Variants in ROBO1 observed in about 807,000 individuals in gnomAD.
ROBO1 encodes roundabout homolog 1.
In ROBO1, 149 loss-of-function variants were observed where a neutral mutation model predicts 195.9. The observed-to-expected ratio is 0.76, with a 90% CI of 0.67 to 0.87. The LOEUF (loss-of-function observed/expected upper bound fraction) is 0.87. ROBO1 is among the 40% of genes least tolerant of loss of function. The pLI, the probability that ROBO1 is intolerant of heterozygous loss-of-function variation, is 0.00. For synonymous variants in ROBO1, 816 were observed against 733.2 expected (o/e 1.11, Z -1.82); for missense variants, 1,933 against 2,068.3 (o/e 0.93, Z 1.27).
Position 78,656,499 on chromosome 3 carries a change from C to T in ROBO1, c.2614+599G>A, listed in dbSNP as rs151259494. 9.0e-3 allele frequency among the ~76,000 whole-genome samples: 1,362 copies of T among 151,818 alleles called. 26 individuals are homozygous for T. Among genetic ancestry groups the T allele is most frequent in the African/African-American group, 0.031 (1,288 of 41,392 alleles). ...CTAAGTAGCTGGGACTACAGGCGCC[C>T]GCCACCACACCCAGCTAGTTTTTTT... On this transcript the variant is annotated intron_variant, in intron 18 of 30. Coordinates refer to ENST00000464233, the MANE Select transcript of ROBO1 (RefSeq NM_002941.4).
intron 2 of ROBO1, among the ~76,000 whole-genome samples, chr3:79,284,074 A>G (rs2031724860): frequency 6.6e-6 from 1 of 152,012 alleles, no homozygotes; most frequent in Non-Finnish European, 1.5e-5. Flanking sequence ...TGATAGGCCT[A>G]TATGTATATA....
intron 2 of ROBO1, among the ~76,000 whole-genome samples, chr3:79,222,719 A>G (rs999191465): frequency 1.3e-5 from 2 of 152,066 alleles, no homozygotes; most frequent in Non-Finnish European, 2.9e-5. Context: ...TATGTTTCTA[A>G]ATACAATATG....
chr3:78,879,540 G>C (rs962417405), intron 4 of ROBO1, among the ~76,000 whole-genome samples: 5 of 140,346 alleles, frequency 3.6e-5, no homozygotes, highest in African/African-American at 1.3e-4. Flanking sequence ...AAAAAAAAAA[G>C]AACTAAATAC....
At chr3:78,794,846 T>C (rs950210055) in intron 4 of ROBO1, among the ~76,000 whole-genome samples, 1 of 151,112 alleles carries the variant, frequency 6.6e-6, no homozygotes, top group African/African-American at 2.4e-5. Flanking sequence ...CCTCCCAAAA[T>C]GCTGGGATTA....
At chr3:79,759,533 T>G (rs1704580769) in intron 1 of ROBO1, among the ~76,000 whole-genome samples, 1 of 152,206 alleles carries the variant, frequency 6.6e-6, no homozygotes, top group Admixed American at 6.5e-5. Context: ...CAGGATTCAT[T>G]AATATACTCT....
chr3:78,917,099 G>GTTTTTTTT (rs756798186), intron 4 of ROBO1, among the ~76,000 whole-genome samples: 2 of 127,348 alleles, frequency 1.6e-5, no homozygotes, highest in Admixed American at 8.2e-5. Flanking sequence ...TTTGTTTTTC[G>GTTTTTTTT]TTTTTTTTTT....
At chr3:78,754,953 G>A (rs1372918232) in intron 4 of ROBO1, among the ~76,000 whole-genome samples, 1 of 152,146 alleles carries the variant, frequency 6.6e-6, no homozygotes, top group Non-Finnish European at 1.5e-5. Context: ...GAAAAGCCTT[G>A]GATGCCGTGT....
intron 2 of ROBO1, among the ~76,000 whole-genome samples, chr3:79,299,675 T>C (rs538441903): frequency 3.3e-5 from 5 of 152,264 alleles, no homozygotes; most frequent in African/African-American, 1.2e-4. Context: ...AGATAATTTA[T>C]GAGAAAACAA....
intron 25 of ROBO1, 139 bp downstream of exon 25, chr3:78,631,022 C>T: frequency 1.0e-5 from 9 of 868,014 alleles, no homozygotes; most frequent in East Asian, 5.6e-5. Flanking sequence ...TCCTGCTGAC[C>T]AGCACTATTT....
chr3:79,594,716 G>A (rs1333946113), intron 1 of ROBO1, among the ~76,000 whole-genome samples: 1 of 151,964 alleles, frequency 6.6e-6, no homozygotes, highest in Non-Finnish European at 1.5e-5. Flanking sequence ...CCACATCATT[G>A]GGTGAGATGT....
At chr3:79,378,695 A>T (rs930838291) in intron 2 of ROBO1, among the ~76,000 whole-genome samples, 2 of 152,212 alleles carry the variant, frequency 1.3e-5, no homozygotes, top group Non-Finnish European at 2.9e-5. Flanking sequence ...AATTGCATAC[A>T]TTAAGCTTTA....
At chr3:79,388,485 G>A (rs1465173989) in intron 2 of ROBO1, among the ~76,000 whole-genome samples, 1 of 151,200 alleles carries the variant, frequency 6.6e-6, no homozygotes, top group Non-Finnish European at 1.5e-5. Flanking sequence ...ATAATTCTGT[G>A]GTATAATAGA....
chr3:79,713,473 C>T (rs1702355769), intron 1 of ROBO1, among the ~76,000 whole-genome samples: 3 of 152,080 alleles, frequency 2.0e-5, no homozygotes, highest in Admixed American at 2.0e-4. Flanking sequence ...TGACTCTAAC[C>T]TTCCTGGGTT....
At chr3:78,772,663 C>A (rs1386730078) in intron 4 of ROBO1, among the ~76,000 whole-genome samples, 1 of 151,910 alleles carries the variant, frequency 6.6e-6, no homozygotes, top group Admixed American at 6.6e-5. Flanking sequence ...ACAGTAGACC[C>A]TATTTTCATA....
At chr3:78,875,868 T>G (rs2035812842) in intron 4 of ROBO1, among the ~76,000 whole-genome samples, 1 of 152,116 alleles carries the variant, frequency 6.6e-6, no homozygotes, top group South Asian at 2.1e-4. Flanking sequence ...GTCCTTCACA[T>G]GTATAATCTG....
At chr3:79,036,796 T>A (rs1462908661) in intron 3 of ROBO1, among the ~76,000 whole-genome samples, 1 of 152,200 alleles carries the variant, frequency 6.6e-6, no homozygotes, top group Admixed American at 6.5e-5. Context: ...ATCTGGGGTA[T>A]GGCTCACATT....
intron 3 of ROBO1, among the ~76,000 whole-genome samples, chr3:79,077,442 T>A (rs1395913967): frequency 6.6e-6 from 1 of 151,852 alleles, no homozygotes; most frequent in African/African-American, 2.4e-5. Context: ...CACAGACATG[T>A]ATGTAGATAT....
intron 3 of ROBO1, among the ~76,000 whole-genome samples, chr3:79,000,963 C>T (rs1460985299): frequency 1.3e-5 from 2 of 152,068 alleles, no homozygotes; most frequent in Non-Finnish European, 2.9e-5. Flanking sequence ...AAGTACATGT[C>T]CTTTGCAGGG....
intron 2 of ROBO1, among the ~76,000 whole-genome samples, chr3:79,238,028 G>C (rs755226997): frequency 6.6e-6 from 1 of 152,164 alleles, no homozygotes; most frequent in Non-Finnish European, 1.5e-5. Flanking sequence ...ACAACAGGCT[G>C]TCTGCTTTCT....
Sources: allele counts gnomAD v4.1 joint callset (sites outside exome capture counted in the v4.1 genomes callset), GRCh38; gene constraint gnomAD v4.1.1; transcripts MANE v1.5; gene names NCBI Gene and HGNC (gene_info 2026-07-23, HGNC 2026-07-21).